Variants in PLB1 observed in about 807,000 individuals in gnomAD.
The protein encoded by PLB1 is phospholipase B1, membrane-associated.
PLB1 carries 242 observed loss-of-function variants against 227.4 expected under a neutral mutation model. The observed-to-expected ratio is 1.06, with a 90% CI of 0.96 to 1.18. The LOEUF is 1.18. Ranked by LOEUF, PLB1 falls within the 50% of genes most tolerant of loss-of-function variation. The probability of loss-of-function intolerance (pLI) is 0.00; values close to 1 mark genes in which losing one functional copy is unlikely to be tolerated. For missense variants in PLB1, 1,858 were observed against 1,816.3 expected (o/e 1.02, Z -0.42); for synonymous variants, 757 against 682.2 (o/e 1.11, Z -1.71).
At chr2:28,618,564 C>G (rs1167546955) in intron 46 of PLB1, 165 bp downstream of exon 46, 8 of 682,310 alleles carry the variant, frequency 1.2e-5, no homozygotes, top group African/African-American at 1.1e-4. Flanking sequence ...GTAGAATGCC[C>G]TGTCTCGCCA....
Position 28,539,071 on chromosome 2 carries a change from T to C in PLB1, c.619-28T>C, listed in dbSNP as rs372320335. Reference sequence around the variant, plus strand: ...GCAGCCATGGCGACTTGGCAAATACTCACCTCCCTCTCTGTGTGTCCTCCT... The same window carrying C: ...GCAGCCATGGCGACTTGGCAAATACCCACCTCCCTCTCTGTGTGTCCTCCT... On this transcript the variant is annotated intron_variant, in intron 10 of 57. Coordinates refer to ENST00000327757, the MANE Select transcript of PLB1 (RefSeq NM_153021.5). 62 of 1,589,182 alleles carry C rather than the reference T, an allele frequency of 3.9e-5. No individual in the cohort carries two copies. The African/African-American group carries it at 7.8e-4, about 20-fold the overall frequency.
intron 21 of PLB1, among the ~76,000 whole-genome samples, chr2:28,576,773 C>A (rs1679027331): frequency 6.6e-6 from 1 of 152,182 alleles, no homozygotes; most frequent in African/African-American, 2.4e-5. Flanking sequence ...TCCTCAAACT[C>A]TGTTCCATCG....
intron 1 of PLB1, among the ~76,000 whole-genome samples, chr2:28,515,903 G>C (rs1311462060): frequency 6.6e-6 from 1 of 152,124 alleles, no homozygotes; most frequent in Non-Finnish European, 1.5e-5. Flanking sequence ...CATTTAAAAT[G>C]CTCATGATAC....
intron 55 of PLB1, 29 bp from the exon 56 acceptor site, chr2:28,632,915 G>T: frequency 6.4e-7 from 1 of 1,573,174 alleles, no homozygotes; most frequent in Non-Finnish European, 8.7e-7. Flanking sequence ...CCTTTCCCAG[G>T]ATGATAACCT....
chr2:28,598,792 G>A lies in PLB1; in HGVS notation c.2474+32G>A, dbSNP rs186803434. Reference sequence around the variant, plus strand: ...CATTTGGGGAGGGAGGGAGCCTGCAGAGCAGGGAGTGGAATGTGGATAGTA... The same window carrying A: ...CATTTGGGGAGGGAGGGAGCCTGCAAAGCAGGGAGTGGAATGTGGATAGTA... On this transcript the variant is annotated intron_variant, in intron 35 of 57. Transcript: ENST00000327757. 7 of 1,566,446 alleles carry A rather than the reference G, an allele frequency of 4.5e-6. No individual in the cohort carries two copies. In the East Asian group the frequency reaches 1.3e-4, roughly 30 times the overall value.
At chr2:28,563,219 G>A in intron 18 of PLB1, 120 bp downstream of exon 18, 1 of 979,740 alleles carries the variant, frequency 1.0e-6, no homozygotes, top group Non-Finnish European at 1.6e-6. Flanking sequence ...ACCATCTCGG[G>A]TCCTGATCTC....
chr2:28,625,194 C>G (rs899450435), intron 50 of PLB1, 86 bp downstream of exon 50: 8 of 1,259,764 alleles, frequency 6.4e-6, no homozygotes, highest in African/African-American at 1.5e-5. Flanking sequence ...GTCCCTCTCA[C>G]CACAGCACTT....
chr2:28,585,930 T>G, intron 26 of PLB1, 88 bp downstream of exon 26: 8 of 1,255,490 alleles, frequency 6.4e-6, no homozygotes, highest in Non-Finnish European at 9.3e-6. Flanking sequence ...CTTAGGTAAT[T>G]TTGACCCTGT....
chr2:28,515,353 CCCCTGCCCACCACTT>C lies in PLB1; in HGVS notation c.56-1449_56-1435del, dbSNP rs1668723290. 1.5e-4 allele frequency among the ~76,000 whole-genome samples: 23 copies of C among 152,296 alleles called. No individual in the cohort carries two copies. In the South Asian group the frequency reaches 4.6e-3, roughly 30 times the overall value. ...ACCATCTGTCTGTGCAGCCTCATCC[CCCCTGCCCACCACTT>C]CCCTGGCCTCCAGTTACAAACACCT... On this transcript the variant is annotated intron_variant, in intron 1 of 57. Coordinates refer to ENST00000327757, the MANE Select transcript of PLB1 (RefSeq NM_153021.5).
At chr2:28,642,726 T>C in intron 57 of PLB1, 132 bp from the exon 58 acceptor site, 1 of 808,590 alleles carries the variant, frequency 1.2e-6, no homozygotes, top group Non-Finnish European at 1.9e-6. Context: ...GAGGGAGCTT[T>C]ACAAAAGGGA....
intron 51 of PLB1, 41 bp from the exon 52 acceptor site, chr2:28,628,522 G>A (rs200526043): frequency 3.4e-5 from 53 of 1,578,836 alleles, no homozygotes; most frequent in Admixed American, 8.3e-5. Context: ...CTCTCAGAGC[G>A]GGCACCAGGG....
intron 4 of PLB1, among the ~76,000 whole-genome samples, chr2:28,521,519 G>T (rs1156980429): frequency 1.3e-5 from 2 of 152,102 alleles, no homozygotes; most frequent in Admixed American, 1.3e-4. Context: ...ATGTCTCATG[G>T]TGGTTTTGAT....
intron 41 of PLB1, 25 bp from the exon 42 acceptor site, chr2:28,605,828 G>GA (rs1206475572): frequency 1.3e-5 from 20 of 1,573,600 alleles, no homozygotes; most frequent in Non-Finnish European, 1.6e-5. Context: ...ATAGGATCTT[G>GA]AGGGGGTATA....
At chr2:28,586,118 G>T (rs542182270) in intron 26 of PLB1, among the ~76,000 whole-genome samples, 1 of 152,308 alleles carries the variant, frequency 6.6e-6, no homozygotes, top group Admixed American at 6.5e-5. Context: ...GGGCAAACAT[G>T]GATCATGGAA....
At chr2:28,567,426 CTTAAT>C (rs1677162288) in intron 20 of PLB1, among the ~76,000 whole-genome samples, 1 of 149,872 alleles carries the variant, frequency 6.7e-6, no homozygotes, top group South Asian at 2.1e-4. Context: ...CAGCACTTTC[CTTAAT>C]TTACTTTCCA....
chr2:28,552,587 G>T (rs1442619949), intron 16 of PLB1, among the ~76,000 whole-genome samples: 1 of 152,260 alleles, frequency 6.6e-6, no homozygotes, highest in Middle Eastern at 3.4e-3. Flanking sequence ...ATCAGATCAC[G>T]TTGAGAATGA....
rs1335537893 is a variant in PLB1 at position 28,573,215 on chromosome 2, A to T, written c.1343A>T (p.Asn448Ile). The T allele has an allele frequency of 6.2e-7, 1 of 1,613,784 alleles. No individual in the cohort carries two copies. Among genetic ancestry groups the T allele is most frequent in the Admixed American group, 1.7e-5 (1 of 60,008 alleles). ...TTLANILREF[N>I]PSLKGFSVGT... ...TTTGCAGACATCCTCCGGGAATTCA[A>T]CCCTTCCCTGAAGGGCTTCTCTGTT... is the stretch of plus-strand genomic sequence containing the variant. Residue 448 changes from asparagine to isoleucine, a missense_variant, in exon 21 of 58, where the codon AAC becomes ATC. By Grantham distance (149) the Asn-to-Ile change is moderately radical. Coordinates refer to ENST00000327757, the MANE Select transcript of PLB1 (RefSeq NM_153021.5).
chr2:28,497,095 G>T (rs371583696), intron 1 of PLB1, among the ~76,000 whole-genome samples: 185 of 152,356 alleles, frequency 1.2e-3, no homozygotes, highest in African/African-American at 4.4e-3. Context: ...TGAGGCCAAG[G>T]AGTGTTTTCA....
At chr2:28,610,208 C>G (rs1028400654) in intron 43 of PLB1, among the ~76,000 whole-genome samples, 2 of 152,108 alleles carry the variant, frequency 1.3e-5, no homozygotes, top group Non-Finnish European at 2.9e-5. Flanking sequence ...AACCGGTCAT[C>G]TAGATTTTAA....
Sources: allele counts gnomAD v4.1 joint callset (sites outside exome capture counted in the v4.1 genomes callset), GRCh38; gene constraint gnomAD v4.1.1; transcripts MANE v1.5; gene names NCBI Gene and HGNC (gene_info 2026-07-23, HGNC 2026-07-21).